The following TNR variants were observed in gnomAD, a reference collection of about 807,000 sequenced individuals.
TNR encodes tenascin R, also known as tenascin-R.
In TNR, 45 loss-of-function variants were observed where a neutral mutation model predicts 150.4. That is an observed-to-expected ratio of 0.30 (90% confidence interval 0.24 to 0.38). The LOEUF is 0.38. TNR is among the 10% of genes least tolerant of loss of function. The probability of loss-of-function intolerance (pLI) is 1.00; values close to 1 mark genes in which losing one functional copy is unlikely to be tolerated. For missense variants in TNR, 1,544 were observed against 1,759.1 expected, an observed-to-expected ratio of 0.88 and a Z score of 2.19; for synonymous variants, 687 against 678.4, an observed-to-expected ratio of 1.01 and a Z score of -0.20.
intron 2 of TNR, among the ~76,000 whole-genome samples, chr1:175,495,063 A>T (rs1181010431): frequency 6.6e-6 from 1 of 152,116 alleles, no homozygotes; most frequent in Non-Finnish European, 1.5e-5. Context: ...TCATTCATTC[A>T]TTCATTGCTC....
rs1484445718 is a variant in TNR, at chr1:175,321,520, T to G, written c.*1837A>C. 6.6e-6 allele frequency: 1 copy of G among 152,488 alleles called. No homozygotes were observed. The highest frequency in any genetic ancestry group is 1.5e-5 in the Non-Finnish European group (1 of 68,188). 9.4% of individuals were successfully genotyped at this position (152,488 alleles called of 1,614,324 possible). ...GCACTACAGAAAATGGTGCTGGGCC[T>G]TGAGGAATGGGAGAGGAAAGGGAGA... On this transcript the variant is annotated 3_prime_UTR_variant, in exon 23 of 23. Coordinates refer to ENST00000367674, the MANE Select transcript of TNR (RefSeq NM_003285.3).
At chr1:175,661,572 C>T (rs1289319426) in intron 1 of TNR, among the ~76,000 whole-genome samples, 2 of 152,048 alleles carry the variant, frequency 1.3e-5, no homozygotes, top group East Asian at 1.9e-4. Context: ...AGAGGCCTCC[C>T]GCTGCTTGAC....
At chr1:175,520,867 C>T (rs59667642) in intron 2 of TNR, among the ~76,000 whole-genome samples, 3,386 of 152,268 alleles carry the variant, frequency 0.022, 55 homozygotes, top group African/African-American at 0.054. Context: ...CTCTTCTCTG[C>T]TTTTTCCTCC....
intron 2 of TNR, among the ~76,000 whole-genome samples, chr1:175,452,576 G>A (rs1656374977): frequency 6.6e-6 from 1 of 152,242 alleles, no homozygotes; most frequent in Admixed American, 6.5e-5. Context: ...TGAGAGCTGG[G>A]CAGAGGCTCA....
chr1:175,555,515 G>GAAAAA (rs56074366), intron 1 of TNR, among the ~76,000 whole-genome samples: 1 of 127,878 alleles, frequency 7.8e-6, no homozygotes, highest in Non-Finnish European at 1.6e-5. Flanking sequence ...ACAACTGAGA[G>GAAAAA]AAAAAAAAAA....
Position 175,316,295 on chromosome 1 carries a change from G to T in TNR, c.*7062C>A, listed in dbSNP as rs547481192. 1 of 152,338 alleles carries T rather than the reference G, an allele frequency of 6.6e-6. No individual in the cohort carries two copies. The highest frequency in any genetic ancestry group is 2.4e-5 in the African/African-American group (1 of 41,578). 9.4% of individuals were successfully genotyped at this position (152,338 alleles called of 1,614,324 possible). On this transcript the variant is annotated 3_prime_UTR_variant, in exon 23 of 23. Coordinates refer to ENST00000367674, the MANE Select transcript of TNR (RefSeq NM_003285.3). ...TGGGGCAGGTAAGGAGTGGGGAAAA[G>T]AAACCAGGGGGATAAGTAAACTGAA...
chr1:175,685,783 A>G (rs1367089341), intron 1 of TNR, among the ~76,000 whole-genome samples: 2 of 151,920 alleles, frequency 1.3e-5, no homozygotes, highest in Non-Finnish European at 2.9e-5. Flanking sequence ...GCAAAATCCC[A>G]TAATTATTTC....
chr1:175,636,768 A>G (rs76040002), intron 1 of TNR, among the ~76,000 whole-genome samples: 3,388 of 152,324 alleles, frequency 0.022, 64 homozygotes, highest in Non-Finnish European at 0.035. Context: ...AAGACTCACA[A>G]ACCTCAACAA....
At chr1:175,507,258 C>T (rs941819578) in intron 2 of TNR, among the ~76,000 whole-genome samples, 1 of 152,142 alleles carries the variant, frequency 6.6e-6, no homozygotes, top group African/African-American at 2.4e-5. Context: ...CCCTCAGTGC[C>T]ACACGAGATT....
rs148710947 is a variant in TNR, at chr1:175,379,179, CA to C, written c.1963+372del. 1.6e-3 allele frequency among the ~76,000 whole-genome samples: 185 copies of C among 114,740 alleles called. 1 individual carries two copies. The highest frequency in any genetic ancestry group is 2.9e-3 in the East Asian group (12 of 4,088). The allele number at this position is 114,740 out of a possible 152,430, so 75.3% of individuals were successfully genotyped here. ...GGGCAATAAGAGTGAAACTCCGTCT[CA>C]AAAAAAAAAAAAAAAAAAAAAGTCA... On this transcript the variant is annotated intron_variant, in intron 9 of 22. Transcript: ENST00000367674.
intron 1 of TNR, among the ~76,000 whole-genome samples, chr1:175,721,601 C>T (rs1395155724): frequency 6.6e-6 from 1 of 152,178 alleles, no homozygotes. Context: ...CACTGCCTTA[C>T]TCAGCTCCTG....
intron 2 of TNR, among the ~76,000 whole-genome samples, chr1:175,439,461 A>G (rs1222467868): frequency 2.0e-5 from 3 of 152,096 alleles, no homozygotes; most frequent in African/African-American, 4.8e-5. Context: ...GGACATAGGC[A>G]TGGGCAAGGA....
At chr1:175,401,555 A>G (rs1429476935) in intron 4 of TNR, among the ~76,000 whole-genome samples, 1 of 152,208 alleles carries the variant, frequency 6.6e-6, no homozygotes, top group Admixed American at 6.5e-5. Flanking sequence ...GGGAGGCTAA[A>G]TGAAATAATT....
At chr1:175,382,114 A>G (rs1397000824) in intron 8 of TNR, among the ~76,000 whole-genome samples, 4 of 152,200 alleles carry the variant, frequency 2.6e-5, no homozygotes, top group Non-Finnish European at 4.4e-5. Flanking sequence ...GCTTTTCATT[A>G]TAGTACTCAT....
chr1:175,504,071 A>T (rs1328896622), intron 2 of TNR, among the ~76,000 whole-genome samples: 1 of 152,140 alleles, frequency 6.6e-6, no homozygotes. Flanking sequence ...CTCTTCGAGG[A>T]TTCACACTTG....
At chr1:175,734,315 A>G (rs1256752864) in intron 1 of TNR, among the ~76,000 whole-genome samples, 1 of 152,244 alleles carries the variant, frequency 6.6e-6, no homozygotes, top group East Asian at 1.9e-4. Context: ...GTAGAAAATG[A>G]CATCTCATTT....
intron 1 of TNR, among the ~76,000 whole-genome samples, chr1:175,538,586 G>C (rs774775880): frequency 1.3e-5 from 2 of 152,222 alleles, no homozygotes; most frequent in Non-Finnish European, 2.9e-5. Context: ...ATGTTTTAGA[G>C]TGCATGATTA....
intron 1 of TNR, among the ~76,000 whole-genome samples, chr1:175,598,959 G>T (rs937702362): frequency 1.3e-5 from 2 of 152,216 alleles, no homozygotes; most frequent in Non-Finnish European, 2.9e-5. Context: ...CTCCCTCTTT[G>T]TTGAGCAGAG....
At chr1:175,431,609 G>T (rs1235663434) in intron 2 of TNR, among the ~76,000 whole-genome samples, 2 of 151,620 alleles carry the variant, frequency 1.3e-5, no homozygotes, top group Non-Finnish European at 2.9e-5. Context: ...CTCCTAGGTG[G>T]CCAGGAAAGC....
Sources: gnomAD v4.1 joint callset for allele counts (sites outside exome capture counted in the v4.1 genomes callset) on GRCh38, gnomAD v4.1.1 for gene constraint, MANE v1.5 for transcripts, NCBI Gene and HGNC (gene_info 2026-07-23, HGNC 2026-07-21) for gene names.